ADARB2: variants seen among roughly 807,000 people sequenced by gnomAD.
ADARB2 encodes the protein adenosine deaminase RNA specific B2 (inactive).
A neutral mutation model predicts 62.2 loss-of-function variants in ADARB2; 25 were observed. The observed-to-expected ratio is 0.40, with a 90% CI of 0.29 to 0.56. The LOEUF is 0.56. Ranked by LOEUF, ADARB2 falls within the 20% of genes least tolerant of loss-of-function variation. The pLI is 0.43. For missense variants in ADARB2, 1,071 were observed against 1,077.4 expected, an observed-to-expected ratio of 0.99 and a Z score of 0.08; for synonymous variants, 572 against 500.8, an observed-to-expected ratio of 1.14 and a Z score of -1.90.
intron 1 of ADARB2, among the ~76,000 whole-genome samples, chr10:1,692,183 G>A (rs530605109): frequency 3.3e-5 from 5 of 152,314 alleles, no homozygotes; most frequent in Admixed American, 3.3e-4. Flanking sequence ...AGAATTCAGA[G>A]CTATCACCTA....
intron 1 of ADARB2, among the ~76,000 whole-genome samples, chr10:1,702,012 CAA>C (rs1346351440): frequency 6.6e-6 from 1 of 152,210 alleles, no homozygotes; most frequent in Non-Finnish European, 1.5e-5. Context: ...TAAAGAAAGA[CAA>C]AGAGAAAGAA....
At chr10:1,452,663 A>C (rs1486988057) in intron 1 of ADARB2, among the ~76,000 whole-genome samples, 4 of 126,008 alleles carry the variant, frequency 3.2e-5, no homozygotes, top group Admixed American at 1.7e-4. Flanking sequence ...GGGTTGGGGG[A>C]TAGGGGAGGG....
At chr10:1,210,914 G>A (rs901244492) in intron 7 of ADARB2, among the ~76,000 whole-genome samples, 2 of 152,198 alleles carry the variant, frequency 1.3e-5, no homozygotes, top group African/African-American at 2.4e-5. Flanking sequence ...CAAGTCAGCC[G>A]GTGCTTGAAG....
At chr10:1,301,119 T>A (rs544268379) in intron 3 of ADARB2, among the ~76,000 whole-genome samples, 1 of 152,350 alleles carries the variant, frequency 6.6e-6, no homozygotes, top group African/African-American at 2.4e-5. Flanking sequence ...ACTGAGGAAT[T>A]ACGGAACGCT....
chr10:1,206,527 G>A (rs1023666735), intron 7 of ADARB2, among the ~76,000 whole-genome samples: 1 of 150,506 alleles, frequency 6.6e-6, no homozygotes, highest in Non-Finnish European at 1.5e-5. Context: ...AGAACTGCGG[G>A]GTCTCCTCCT....
intron 1 of ADARB2, among the ~76,000 whole-genome samples, chr10:1,454,522 T>A (rs1019264709): frequency 2.0e-5 from 3 of 152,306 alleles, no homozygotes; most frequent in African/African-American, 7.2e-5. Context: ...TTCTGACACA[T>A]GTTACAACAT....
rs371218337 is a variant in ADARB2 at position 1,634,907 on chromosome 10, A to T, written c.100+102144T>A. Among the ~76,000 whole-genome samples the T allele has an allele frequency of 3.7e-4, 57 of 152,324 alleles. No individual in the cohort carries two copies. In the South Asian group the frequency reaches 0.011, roughly 30 times the overall value. On this transcript the variant is annotated intron_variant, in intron 1 of 9. Coordinates refer to ENST00000381312, the MANE Select transcript of ADARB2 (RefSeq NM_018702.4). Reference sequence around the variant, plus strand: ...GAACAAACATTTTTTAATTTTTCTGATCTATTCTCATTCTAGTCGATTCTT... The same window carrying T: ...GAACAAACATTTTTTAATTTTTCTGTTCTATTCTCATTCTAGTCGATTCTT...
intron 1 of ADARB2, among the ~76,000 whole-genome samples, chr10:1,575,373 G>C (rs1252977780): frequency 6.6e-6 from 1 of 152,222 alleles, no homozygotes; most frequent in East Asian, 1.9e-4. Context: ...TTATTTTTCT[G>C]GGAGGGAAAT....
intron 1 of ADARB2, chr10:1,675,438 T>G: frequency 1.0e-6 from 1 of 962,638 alleles, no homozygotes; most frequent in Non-Finnish European, 1.2e-6. Context: ...TCTGGAGGTT[T>G]GGGTTGGAGG....
chr10:1,448,299 G>C (rs1830995679), intron 1 of ADARB2, among the ~76,000 whole-genome samples: 1 of 152,128 alleles, frequency 6.6e-6, no homozygotes, highest in South Asian at 2.1e-4. Flanking sequence ...TGAGACACAG[G>C]GTATGGCTCC....
chr10:1,259,275 C>T (rs915754377), intron 4 of ADARB2, among the ~76,000 whole-genome samples: 3 of 152,072 alleles, frequency 2.0e-5, no homozygotes, highest in Non-Finnish European at 4.4e-5. Context: ...CAAAAGCTAG[C>T]AGAAGGCAAG....
intron 1 of ADARB2, among the ~76,000 whole-genome samples, chr10:1,617,565 T>C (rs541820344): frequency 1.7e-3 from 259 of 148,538 alleles, no homozygotes; most frequent in African/African-American, 6.3e-3. Flanking sequence ...GCTAGATGTT[T>C]GTGTGCCTCT....
chr10:1,678,359 T>C (rs1165283910), intron 1 of ADARB2: 4 of 982,408 alleles, frequency 4.1e-6, no homozygotes, highest in Non-Finnish European at 4.8e-6. Context: ...TCGGAGTGAG[T>C]GACCTCGGGG....
chr10:1,605,070 A>C (rs1395698786), intron 1 of ADARB2, among the ~76,000 whole-genome samples: 1 of 152,366 alleles, frequency 6.6e-6, no homozygotes, highest in East Asian at 1.9e-4. Flanking sequence ...TAAATAGTAT[A>C]TTCAATTTTT....
intron 4 of ADARB2, among the ~76,000 whole-genome samples, chr10:1,243,564 C>T (rs1174735612): frequency 2.0e-5 from 3 of 152,218 alleles, no homozygotes; most frequent in African/African-American, 4.8e-5. Context: ...CTGAGGGCAT[C>T]TGCCCTCTCT....
chr10:1,662,602 C>T (rs756520508), intron 1 of ADARB2, among the ~76,000 whole-genome samples: 1 of 152,160 alleles, frequency 6.6e-6, no homozygotes, highest in Admixed American at 6.5e-5. Context: ...AAAACTAGAG[C>T]GAGTTTATTT....
chr10:1,254,157 T>G (rs1831060475), intron 4 of ADARB2, among the ~76,000 whole-genome samples: 1 of 151,402 alleles, frequency 6.6e-6, no homozygotes, highest in Non-Finnish European at 1.5e-5. Flanking sequence ...TGCAGTGGGC[T>G]CTGTGGTTAG....
intron 4 of ADARB2, among the ~76,000 whole-genome samples, chr10:1,249,441 CAAAA>C (rs59037749): frequency 2.7e-5 from 2 of 74,414 alleles, no homozygotes; most frequent in African/African-American, 3.8e-5. Flanking sequence ...GACCCTGTCT[CAAAA>C]AAAAAAAAAA....
intron 1 of ADARB2, among the ~76,000 whole-genome samples, chr10:1,686,679 A>G (rs998948671): frequency 6.6e-6 from 1 of 152,036 alleles, no homozygotes; most frequent in Non-Finnish European, 1.5e-5. Flanking sequence ...TTATTTTGCT[A>G]ATTAAGTTGT....
Sources: allele counts gnomAD v4.1 joint callset (sites outside exome capture counted in the v4.1 genomes callset), GRCh38; gene constraint gnomAD v4.1.1; transcripts MANE v1.5; gene names NCBI Gene and HGNC (gene_info 2026-07-23, HGNC 2026-07-21).